The following STK33 variants were observed in gnomAD, a reference collection of about 807,000 sequenced individuals.
The protein encoded by STK33 is serine/threonine kinase 33.
Under a neutral mutation model 58.0 loss-of-function variants are expected in STK33, and 52 were observed. The ratio of observed to expected loss-of-function variants is 0.90; its 90% CI spans 0.72 to 1.13. The LOEUF is 1.13. STK33 is among the 50% of genes most tolerant of loss of function. The pLI, the probability that STK33 is intolerant of heterozygous loss-of-function variation, is 0.00. For missense variants in STK33, 630 were observed against 604.2 expected, an observed-to-expected ratio of 1.04 and a Z score of -0.45; for synonymous variants, 215 against 200.1, an observed-to-expected ratio of 1.07 and a Z score of -0.63.
At chr11:8,546,726 C>T (rs891829727) in intron 1 of STK33, among the ~76,000 whole-genome samples, 1 of 151,996 alleles carries the variant, frequency 6.6e-6, no homozygotes, top group Admixed American at 6.6e-5. Flanking sequence ...AAGATAATGA[C>T]CTCCAGTTCC....
chr11:8,546,261 T>G (rs1192226793), intron 1 of STK33, among the ~76,000 whole-genome samples: 2 of 152,296 alleles, frequency 1.3e-5, no homozygotes, highest in East Asian at 3.9e-4. Flanking sequence ...AAATTTATTT[T>G]TAAAACTTTT....
At chr11:8,412,959 T>C (rs977602783) in intron 15 of STK33, among the ~76,000 whole-genome samples, 1 of 152,216 alleles carries the variant, frequency 6.6e-6, no homozygotes, top group Non-Finnish European at 1.5e-5. Flanking sequence ...AATAAACCTA[T>C]ATAAAAAGTT....
chr11:8,421,877 C>A (rs189357615), intron 14 of STK33, among the ~76,000 whole-genome samples: 5 of 152,058 alleles, frequency 3.3e-5, no homozygotes, highest in Non-Finnish European at 7.4e-5. Context: ...TTGTTAGTTG[C>A]TAATGAGTAG....
intron 8 of STK33, among the ~76,000 whole-genome samples, 200 bp from the exon 9 acceptor site, chr11:8,457,679 C>G (rs1947042309): frequency 6.6e-6 from 1 of 152,110 alleles, no homozygotes; most frequent in Non-Finnish European, 1.5e-5. Context: ...AAGAAGCTCA[C>G]AAATAGTTAT....
intron 1 of STK33, among the ~76,000 whole-genome samples, chr11:8,496,570 G>A (rs1399286304): frequency 6.6e-6 from 1 of 151,516 alleles, no homozygotes; most frequent in African/African-American, 2.4e-5. Flanking sequence ...AAGCCTGTGT[G>A]ATATTTCATT....
the STK33 span, among the ~76,000 whole-genome samples, chr11:8,350,786 C>T: frequency 1.4e-4 from 21 of 152,216 alleles, no homozygotes; most frequent in African/African-American, 4.8e-4. Flanking sequence ...GGGGAAGAGA[C>T]AAGGGAAGCT....
intron 15 of STK33, among the ~76,000 whole-genome samples, chr11:8,395,906 T>C (rs1258317014): frequency 1.3e-5 from 2 of 152,238 alleles, no homozygotes; most frequent in Non-Finnish European, 2.9e-5. Context: ...ATGTATAATC[T>C]TACCAGTAGC....
chr11:8,392,410 A>G lies in STK33; in HGVS notation c.*100T>C, dbSNP rs2134861921. 7.2e-7 allele frequency: 1 copy of G among 1,380,084 alleles called. No individual in the cohort carries two copies. The highest frequency in any genetic ancestry group is 1.3e-5 in the South Asian group (1 of 77,976). The allele number at this position is 1,380,084 out of a possible 1,614,324, so 85.5% of individuals were successfully genotyped here. On this transcript the variant is annotated 3_prime_UTR_variant, in exon 16 of 16. Transcript: ENST00000687296. Reference sequence around the variant, plus strand: ...CGGGGCTCTGTGGAGCTAAAAGGCTACAAGCTCAGCATAGGGCTGTCTTCT... The same window carrying G: ...CGGGGCTCTGTGGAGCTAAAAGGCTGCAAGCTCAGCATAGGGCTGTCTTCT...
At chr11:8,523,178 A>G (rs1382145944) in intron 1 of STK33, among the ~76,000 whole-genome samples, 1 of 152,114 alleles carries the variant, frequency 6.6e-6, no homozygotes, top group Non-Finnish European at 1.5e-5. Context: ...ATGGCCTCCC[A>G]AAGTGCCGAG....
At chr11:8,421,760 A>C (rs1456715197) in intron 14 of STK33, among the ~76,000 whole-genome samples, 1 of 152,118 alleles carries the variant, frequency 6.6e-6, no homozygotes, top group Non-Finnish European at 1.5e-5. Context: ...AAATGTTCTA[A>C]CTTTCCCCAA....
intron 1 of STK33, among the ~76,000 whole-genome samples, chr11:8,491,079 G>A (rs1950574478): frequency 6.6e-6 from 1 of 152,218 alleles, no homozygotes; most frequent in African/African-American, 2.4e-5. Flanking sequence ...AACAAAGCTG[G>A]ACAGACAATG....
At chr11:8,461,760 GTAA>G (rs765514295) in intron 8 of STK33, 42 bp downstream of exon 8, 64 of 1,419,722 alleles carry the variant, frequency 4.5e-5, no homozygotes, top group Admixed American at 6.9e-5. Context: ...TATTCATTTT[GTAA>G]TAATAACAAC....
the STK33 span, among the ~76,000 whole-genome samples, chr11:8,374,136 T>C: frequency 6.6e-6 from 1 of 152,192 alleles, no homozygotes; most frequent in Non-Finnish European, 1.5e-5. Flanking sequence ...CTGGCTGATG[T>C]CTCCAAGCTG....
At chr11:8,393,651 T>TGGTA (rs1176230047) in intron 15 of STK33, among the ~76,000 whole-genome samples, 1 of 152,242 alleles carries the variant, frequency 6.6e-6, no homozygotes, top group African/African-American at 2.4e-5. Context: ...AATACTCTGG[T>TGGTA]TACCTGAAAG....
At chr11:8,552,135 T>A (rs939916327) in intron 1 of STK33, among the ~76,000 whole-genome samples, 6 of 152,142 alleles carry the variant, frequency 3.9e-5, no homozygotes, top group African/African-American at 1.4e-4. Context: ...CACCTCCAAT[T>A]CCCTCCTATC....
chr11:8,502,020 A>AAGTGACTT (rs1951550887), intron 1 of STK33, among the ~76,000 whole-genome samples: 2 of 152,120 alleles, frequency 1.3e-5, no homozygotes, highest in Non-Finnish European at 2.9e-5. Flanking sequence ...AGTGTATTTC[A>AAGTGACTT]GGGCTTGGGA....
At chr11:8,444,006 C>CA (rs1396049864) in intron 11 of STK33, among the ~76,000 whole-genome samples, 2 of 151,442 alleles carry the variant, frequency 1.3e-5, no homozygotes, top group East Asian at 1.9e-4. Flanking sequence ...GGCCCTGTTC[C>CA]AAAAAAATAA....
chr11:8,439,885 ATCAGAGGCTTT>A (rs1564969843), intron 12 of STK33, among the ~76,000 whole-genome samples: 16 of 141,812 alleles, frequency 1.1e-4, no homozygotes, highest in East Asian at 8.4e-4. Context: ...ATATATATAT[ATCAGAGGCTTT>A]TATATATATA....
the STK33 span, among the ~76,000 whole-genome samples, chr11:8,354,048 C>T: frequency 1.3e-5 from 2 of 152,140 alleles, no homozygotes; most frequent in Non-Finnish European, 2.9e-5. Flanking sequence ...AGACTGGGCA[C>T]GAGTGTCCTG....
Sources: allele counts gnomAD v4.1 joint callset (sites outside exome capture counted in the v4.1 genomes callset), GRCh38; gene constraint gnomAD v4.1.1; transcripts MANE v1.5; gene names NCBI Gene and HGNC (gene_info 2026-07-23, HGNC 2026-07-21).